PHEX: variants seen among roughly 807,000 people sequenced by gnomAD.
The protein encoded by PHEX is phosphate-regulating neutral endopeptidase PHEX.
A neutral mutation model predicts 68.0 loss-of-function variants in PHEX; 16 were observed. That is an observed-to-expected ratio of 0.24 (90% CI 0.16 to 0.36). The LOEUF is 0.36. PHEX is among the 10% of genes least tolerant of loss of function. PHEX has a pLI of 1.00. For missense variants in PHEX, 480 were observed against 575.5 expected (o/e 0.83, Z 1.70); for synonymous variants, 208 against 205.1 (o/e 1.01, Z -0.12).
intron 12 of PHEX, among the ~76,000 whole-genome samples, chrX:22,162,000 C>T (rs1933148249): frequency 9.0e-6 from 1 of 111,503 alleles, no homozygotes; most frequent in African/African-American, 3.3e-5. Flanking sequence ...CACATAGGAC[C>T]TGCTAGGTGT....
intron 7 of PHEX, among the ~76,000 whole-genome samples, chrX:22,095,513 C>T (rs945804214): frequency 9.8e-5 from 11 of 112,294 alleles, no homozygotes; most frequent in South Asian, 7.4e-4. Context: ...CTGAAAACAG[C>T]TCTGAGGCCA....
intron 15 of PHEX, among the ~76,000 whole-genome samples, chrX:22,205,047 C>T (rs954102741): frequency 8.9e-6 from 1 of 112,041 alleles, no homozygotes; most frequent in Non-Finnish European, 1.9e-5. Flanking sequence ...ATAGTCCACC[C>T]CTTAACAAAA....
At chrX:22,054,128 A>T (rs992402872) in intron 3 of PHEX, among the ~76,000 whole-genome samples, 15 of 111,682 alleles carry the variant, frequency 1.3e-4, no homozygotes, top group Non-Finnish European at 5.6e-5. Context: ...TTAATTTTTT[A>T]AAATTATTTT....
intron 12 of PHEX, among the ~76,000 whole-genome samples, chrX:22,161,760 C>T (rs1044449041): frequency 1.8e-5 from 2 of 111,930 alleles, no homozygotes; most frequent in African/African-American, 6.5e-5. Context: ...GGCTAATAAA[C>T]TACTCTTTTA....
chrX:22,170,307 C>G (rs9792764), intron 13 of PHEX, among the ~76,000 whole-genome samples: 42,846 of 109,925 alleles, frequency 0.39, 7,124 homozygotes, highest in African/African-American at 0.63. Context: ...TCTGAGTCAG[C>G]ATGTGGATGA....
chrX:22,128,036 A>G lies in PHEX; in HGVS notation c.1303-5487A>G, dbSNP rs183568826. 4.5e-5 allele frequency among the ~76,000 whole-genome samples: 5 copies of G among 112,007 alleles called. No individual in the cohort carries two copies. In the East Asian group the frequency reaches 1.4e-3, roughly 31 times the overall value. On this transcript the variant is annotated intron_variant, in intron 11 of 21. Transcript: ENST00000379374. ...TTTAGAATGCCAATCAATGGGTTAC[A>G]GACAAAGAGCTTTGAAAACCTTTTC...
intron 8 of PHEX, among the ~76,000 whole-genome samples, chrX:22,098,474 A>G (rs1188363490): frequency 9.3e-5 from 10 of 107,921 alleles, no homozygotes; most frequent in African/African-American, 3.4e-4. Context: ...TACAGAACAC[A>G]TGCTCCATTT....
chrX:22,213,371 A>T (rs1021755231), intron 16 of PHEX, among the ~76,000 whole-genome samples: 3 of 112,022 alleles, frequency 2.7e-5, no homozygotes, highest in Admixed American at 1.9e-4. Context: ...GGTATATGAA[A>T]GGAAGTAGTG....
In PHEX at chrX:22,077,528, A is replaced by G. The variant is rs140231382; in HGVS notation, c.489A>G (p.Ser163=). Reference sequence around the variant, plus strand: ...CACTGCTACACATCCTACGGCATTCACCTTTCCGCTGGCCCGTGCTTGAAT... The same window carrying G: ...CACTGCTACACATCCTACGGCATTCGCCTTTCCGCTGGCCCGTGCTTGAAT... The part of the protein sequence containing the change: ...AKPLLHILRH[S]PFRWPVLESN... The change falls in exon 5 of 22, where the codon TCA becomes TCG. Residue 163 remains serine, a synonymous_variant. Transcript: ENST00000379374. 1.3e-3 allele frequency: 1,523 copies of G among 1,210,170 alleles called. 8 individuals are homozygous for G. In the African/African-American group the frequency reaches 0.023, roughly 18 times the overall value.
chrX:22,178,416 T>C, intron 14 of PHEX, 40 bp downstream of exon 14: 1 of 815,213 alleles, frequency 1.2e-6, no homozygotes, highest in Non-Finnish European at 1.8e-6. Flanking sequence ...ATAAATACAT[T>C]GGTGAGAAGC....
chrX:22,035,109 G>A (rs1265228257), intron 1 of PHEX, among the ~76,000 whole-genome samples: 1 of 110,524 alleles, frequency 9.0e-6, no homozygotes, highest in Non-Finnish European at 1.9e-5. Context: ...ATATTTCTCT[G>A]CCTGTCCACA....
intron 15 of PHEX, among the ~76,000 whole-genome samples, chrX:22,199,652 G>A (rs1421011405): frequency 8.9e-6 from 1 of 111,744 alleles, no homozygotes; most frequent in Non-Finnish European, 1.9e-5. Flanking sequence ...CACAGTGCTT[G>A]TGCCCAAGTA....
At chrX:22,083,169 T>C (rs2147027226) in intron 5 of PHEX, among the ~76,000 whole-genome samples, 1 of 112,203 alleles carries the variant, frequency 8.9e-6, no homozygotes, top group South Asian at 3.7e-4. Flanking sequence ...CCTTTTATCA[T>C]ATACAAAAAT....
intron 1 of PHEX, among the ~76,000 whole-genome samples, chrX:22,035,892 G>T (rs1926981815): frequency 9.6e-6 from 1 of 104,591 alleles, no homozygotes; most frequent in African/African-American, 3.5e-5. Flanking sequence ...ACATTATCTG[G>T]GCTTATTGAT....
At chrX:22,052,833 A>G (rs1927899773) in intron 3 of PHEX, among the ~76,000 whole-genome samples, 1 of 111,395 alleles carries the variant, frequency 9.0e-6, no homozygotes, top group South Asian at 3.8e-4. Context: ...TAAAAGAACT[A>G]CAGGTTGTGT....
chrX:22,181,555 C>T (rs978959906), intron 14 of PHEX, among the ~76,000 whole-genome samples: 8 of 111,483 alleles, frequency 7.2e-5, no homozygotes, highest in Non-Finnish European at 1.5e-4. Flanking sequence ...ATAACATTGG[C>T]TATTCTGGAT....
chrX:22,129,322 AG>A (rs1222487619), intron 11 of PHEX, among the ~76,000 whole-genome samples: 1 of 112,179 alleles, frequency 8.9e-6, no homozygotes, highest in East Asian at 2.8e-4. Context: ...AGTTGCCCAT[AG>A]GTAACTGAAA....
At chrX:22,052,275 G>A (rs969519721) in intron 3 of PHEX, among the ~76,000 whole-genome samples, 3 of 112,410 alleles carry the variant, frequency 2.7e-5, no homozygotes, top group Non-Finnish European at 3.8e-5. Context: ...TGCCCAGGCT[G>A]GAAGTGCAGT....
intron 3 of PHEX, among the ~76,000 whole-genome samples, chrX:22,056,233 G>A (rs764328303): frequency 4.5e-5 from 5 of 111,894 alleles, no homozygotes; most frequent in Non-Finnish European, 9.4e-5. Context: ...AACTCAAACT[G>A]GCTTAAACAA....
Sources: gnomAD v4.1 joint callset for allele counts (sites outside exome capture counted in the v4.1 genomes callset) on GRCh38, gnomAD v4.1.1 for gene constraint, MANE v1.5 for transcripts, NCBI Gene and HGNC (gene_info 2026-07-23, HGNC 2026-07-21) for gene names.